Variants in CCDC178 observed in about 807,000 individuals in gnomAD.
CCDC178 encodes coiled-coil domain containing 178, also known as coiled-coil domain-containing protein 178.
In CCDC178, 126 loss-of-function variants were observed where a neutral mutation model predicts 117.4. The observed-to-expected ratio is 1.07, with a 90% CI of 0.93 to 1.24. The LOEUF (loss-of-function observed/expected upper bound fraction) is 1.24, where lower values mean the gene tolerates loss of function less well. Ranked by LOEUF, CCDC178 falls within the 50% of genes most tolerant of loss-of-function variation. The pLI, the probability that CCDC178 is intolerant of heterozygous loss-of-function variation, is 0.00. For missense variants in CCDC178, 1,030 were observed against 986.9 expected (o/e 1.04, Z -0.59); for synonymous variants, 283 against 313.4 (o/e 0.90, Z 1.02).
intron 3 of CCDC178, among the ~76,000 whole-genome samples, chr18:33,404,993 G>A (rs1465706717): frequency 6.6e-6 from 1 of 151,970 alleles, no homozygotes; most frequent in Non-Finnish European, 1.5e-5. Flanking sequence ...GTGGTACAGG[G>A]TTTCTTTCAG....
At chr18:33,262,571 T>C (rs1224002179) in intron 14 of CCDC178, among the ~76,000 whole-genome samples, 2 of 152,152 alleles carry the variant, frequency 1.3e-5, no homozygotes, top group Non-Finnish European at 2.9e-5. Context: ...TTATCTGGCA[T>C]GATGGTTCCT....
At chr18:33,262,329 T>C (rs2059760817) in intron 14 of CCDC178, among the ~76,000 whole-genome samples, 1 of 152,250 alleles carries the variant, frequency 6.6e-6, no homozygotes, top group African/African-American at 2.4e-5. Context: ...ACATTTGTAT[T>C]GTGCCATACA....
At chr18:33,437,741 G>A (rs1302171793) in intron 2 of CCDC178, 2 of 152,180 alleles carry the variant, frequency 1.3e-5, no homozygotes, top group African/African-American at 4.8e-5. Context: ...CTGACCTTGG[G>A]AAGGGTAGTT....
At chr18:33,008,959 A>G (rs1219074047) in intron 21 of CCDC178, among the ~76,000 whole-genome samples, 1 of 152,030 alleles carries the variant, frequency 6.6e-6, no homozygotes, top group Admixed American at 6.6e-5. Flanking sequence ...TGATTTCCTG[A>G]TATTTCTCTC....
intron 20 of CCDC178, among the ~76,000 whole-genome samples, chr18:33,105,278 C>T (rs1004380796): frequency 1.3e-5 from 2 of 151,654 alleles, no homozygotes; most frequent in African/African-American, 2.4e-5. Flanking sequence ...AGCTCTGTCA[C>T]TGCAATCACC....
At chr18:33,380,583 G>A (rs1310078554) in intron 5 of CCDC178, among the ~76,000 whole-genome samples, 3 of 152,176 alleles carry the variant, frequency 2.0e-5, no homozygotes, top group Non-Finnish European at 1.5e-5. Flanking sequence ...ATCCCTAGTG[G>A]AAAGGTAAAT....
At chr18:33,112,395 A>G (rs1246390527) in intron 20 of CCDC178, among the ~76,000 whole-genome samples, 1 of 151,936 alleles carries the variant, frequency 6.6e-6, no homozygotes, top group East Asian at 1.9e-4. Flanking sequence ...AATTAATGAT[A>G]TAAAATTCAA....
intron 20 of CCDC178, among the ~76,000 whole-genome samples, chr18:33,144,273 GTTTTTTCACTAGA>G (rs1352915870): frequency 6.6e-6 from 1 of 151,922 alleles, no homozygotes; most frequent in East Asian, 1.9e-4. Context: ...CCCTTTCAAG[GTTTTTTCACTAGA>G]TGTCATTTGT....
chr18:33,288,738 TCTTC>T (rs918174435), intron 12 of CCDC178, among the ~76,000 whole-genome samples: 1 of 152,124 alleles, frequency 6.6e-6, no homozygotes, highest in African/African-American at 2.4e-5. Flanking sequence ...CCAAGGATTT[TCTTC>T]CTTCCAAGTT....
chr18:33,285,258 T>TA (rs1390218065), intron 12 of CCDC178, among the ~76,000 whole-genome samples: 3 of 152,102 alleles, frequency 2.0e-5, no homozygotes, highest in Non-Finnish European at 4.4e-5. Context: ...CCTGGGCCAT[T>TA]AAAAAATTAA....
chr18:33,347,239 A>G (rs1365794065), intron 8 of CCDC178, among the ~76,000 whole-genome samples: 3 of 152,192 alleles, frequency 2.0e-5, no homozygotes, highest in African/African-American at 7.2e-5. Flanking sequence ...GAAAGAACTG[A>G]GGCTAGAGGA....
intron 15 of CCDC178, among the ~76,000 whole-genome samples, chr18:33,235,288 C>A (rs1375477361): frequency 6.6e-6 from 1 of 152,066 alleles, no homozygotes; most frequent in East Asian, 1.9e-4. Flanking sequence ...AAAACGACCC[C>A]CACCCCCAGT....
chr18:33,045,699 T>C (rs940771537), intron 21 of CCDC178, among the ~76,000 whole-genome samples: 2 of 152,208 alleles, frequency 1.3e-5, no homozygotes, highest in Admixed American at 6.6e-5. Flanking sequence ...TGAAAATGCA[T>C]GCATTACTTT....
At chr18:33,083,984 A>G (rs1023134275) in intron 21 of CCDC178, among the ~76,000 whole-genome samples, 4 of 152,238 alleles carry the variant, frequency 2.6e-5, no homozygotes, top group African/African-American at 9.6e-5. Context: ...GCCCACAAAC[A>G]TACAGTAAGC....
At chr18:33,032,758 G>T (rs1274860266) in intron 21 of CCDC178, among the ~76,000 whole-genome samples, 1 of 151,992 alleles carries the variant, frequency 6.6e-6, no homozygotes, top group African/African-American at 2.4e-5. Context: ...GTACAGATTT[G>T]GGGTAAGAAT....
chr18:32,977,159 C>A (rs894389170), intron 21 of CCDC178, among the ~76,000 whole-genome samples: 22 of 152,240 alleles, frequency 1.4e-4, no homozygotes, highest in African/African-American at 4.8e-4. Flanking sequence ...CCCCCGTTTA[C>A]AGCTGAGAAA....
intron 21 of CCDC178, among the ~76,000 whole-genome samples, chr18:33,083,362 A>G (rs2057327086): frequency 6.6e-6 from 1 of 152,368 alleles, no homozygotes; most frequent in African/African-American, 2.4e-5. Context: ...AAAGGGTATG[A>G]ATACATTAAA....
chr18:33,284,434 A>C (rs1568116064), intron 12 of CCDC178, among the ~76,000 whole-genome samples: 1 of 152,240 alleles, frequency 6.6e-6, no homozygotes, highest in Non-Finnish European at 1.5e-5. Flanking sequence ...ATTGATTGTA[A>C]AATATAATAT....
At chr18:33,008,573 G>A (rs766190232) in intron 21 of CCDC178, among the ~76,000 whole-genome samples, 3 of 151,856 alleles carry the variant, frequency 2.0e-5, no homozygotes, top group African/African-American at 7.3e-5. Flanking sequence ...ATCTTCTCAT[G>A]CCCACATTTT....
Sources: allele counts gnomAD v4.1 joint callset (sites outside exome capture counted in the v4.1 genomes callset), GRCh38; gene constraint gnomAD v4.1.1; transcripts MANE v1.5; gene names NCBI Gene and HGNC (gene_info 2026-07-23, HGNC 2026-07-21).